Variants in TMEM38A observed in about 807,000 individuals in gnomAD.
TMEM38A encodes the protein trimeric intracellular cation channel type A.
A neutral mutation model predicts 28.6 loss-of-function variants in TMEM38A; 17 were observed. The observed-to-expected ratio is 0.60, with a 90% confidence interval of 0.41 to 0.89. The LOEUF (loss-of-function observed/expected upper bound fraction) is 0.89. Among genes scored for constraint, TMEM38A ranks in the 40% least tolerant of loss-of-function variants. The pLI, the probability that TMEM38A is intolerant of heterozygous loss-of-function variation, is 0.00. For missense variants in TMEM38A, 328 were observed against 393.1 expected (o/e 0.83, Z 1.40); for synonymous variants, 169 against 166.1 (o/e 1.02, Z -0.14).
intron 4 of TMEM38A, among the ~76,000 whole-genome samples, chr19:16,685,689 C>T (rs1222221998): frequency 6.6e-6 from 1 of 152,180 alleles, no homozygotes; most frequent in Non-Finnish European, 1.5e-5. Flanking sequence ...CCATAAATTA[C>T]GTTGTTACTA....
chr19:16,675,826 C>T (rs1047990426), intron 1 of TMEM38A, among the ~76,000 whole-genome samples: 4 of 152,046 alleles, frequency 2.6e-5, no homozygotes, highest in South Asian at 2.1e-4. Context: ...GGATGACAGG[C>T]GTGAGCCACC....
chr19:16,682,954 C>T (rs2086787789), intron 4 of TMEM38A, among the ~76,000 whole-genome samples: 6 of 152,132 alleles, frequency 3.9e-5, no homozygotes. Flanking sequence ...GGATCCCACA[C>T]TGCATTTAGC....
chr19:16,683,900 G>A (rs939310685), intron 4 of TMEM38A, among the ~76,000 whole-genome samples: 74 of 152,196 alleles, frequency 4.9e-4, no homozygotes, highest in Non-Finnish European at 1.0e-3. Context: ...AATCTGGGAG[G>A]CGGAGGTTGC....
At chr19:16,685,239 CAGCT>C (rs2086797172) in intron 4 of TMEM38A, among the ~76,000 whole-genome samples, 1 of 151,558 alleles carries the variant, frequency 6.6e-6, no homozygotes, top group Non-Finnish European at 1.5e-5. Flanking sequence ...ATACAAAAAT[CAGCT>C]GGCGTGGTGG....
At chr19:16,676,905 C>T (rs778857223) in intron 1 of TMEM38A, among the ~76,000 whole-genome samples, 2 of 151,448 alleles carry the variant, frequency 1.3e-5, no homozygotes, top group Non-Finnish European at 2.9e-5. Flanking sequence ...AGATTAAAGG[C>T]GCCCACCACC....
intron 1 of TMEM38A, among the ~76,000 whole-genome samples, chr19:16,663,153 T>A (rs1014451125): frequency 2.0e-5 from 3 of 151,824 alleles, no homozygotes; most frequent in Non-Finnish European, 4.4e-5. Context: ...TGGTGGCACA[T>A]GCTTGTAATC....
At chr19:16,671,896 G>T (rs1464139843) in intron 1 of TMEM38A, among the ~76,000 whole-genome samples, 2 of 152,180 alleles carry the variant, frequency 1.3e-5, no homozygotes. Context: ...TCAGTCCCTG[G>T]GAGTTATTTT....
At chr19:16,685,673 C>A (rs1240983260) in intron 4 of TMEM38A, among the ~76,000 whole-genome samples, 1 of 152,184 alleles carries the variant, frequency 6.6e-6, no homozygotes, top group Non-Finnish European at 1.5e-5. Context: ...TGGCCCAAGA[C>A]CCCCACCATA....
chr19:16,679,252 C>CGTGTGT (rs35543309), intron 1 of TMEM38A, among the ~76,000 whole-genome samples: 1,407 of 128,384 alleles, frequency 0.011, 21 homozygotes, highest in Non-Finnish European at 0.015. Flanking sequence ...TCTTTTGTTT[C>CGTGTGT]GTGTGTGTGT....
chr19:16,680,009 C>A lies in TMEM38A; in HGVS notation c.150C>A (p.His50Gln), dbSNP rs1453150992. The A allele has an allele frequency of 6.2e-7, 1 of 1,608,808 alleles. No homozygotes were observed. Among genetic ancestry groups the A allele is most frequent in the African/African-American group, 1.3e-5 (1 of 74,940 alleles). Residue 50 changes from histidine to glutamine, a missense_variant, in exon 2 of 6, where the codon CAC (histidine) becomes CAA (glutamine). By Grantham distance (24) the His-to-Gln change is conservative (BLOSUM62 0). Transcript: ENST00000187762. ...EPGAVELSRR[H>Q]PIASWLCAML... ...GAGCAGTCGAACTGTCCCGGCGCCA[C>A]CCCATCGCGTCCTGGCTGTGCGCCA...
At chr19:16,662,074 C>T (rs1398062211) in intron 1 of TMEM38A, among the ~76,000 whole-genome samples, 3 of 152,074 alleles carry the variant, frequency 2.0e-5, no homozygotes, top group African/African-American at 7.2e-5. Context: ...GAATGGCTTC[C>T]TTAGAACGTG....
At chr19:16,663,872 A>G (rs1460033869) in intron 1 of TMEM38A, among the ~76,000 whole-genome samples, 1 of 148,230 alleles carries the variant, frequency 6.7e-6, no homozygotes, top group Non-Finnish European at 1.5e-5. Flanking sequence ...TCCACCCCCC[A>G]CCAATTGAAT....
intron 5 of TMEM38A, among the ~76,000 whole-genome samples, chr19:16,687,255 C>T (rs2086805708): frequency 6.6e-6 from 1 of 152,150 alleles, no homozygotes; most frequent in Non-Finnish European, 1.5e-5. Flanking sequence ...TCGCTTGAAC[C>T]CGGGAGGTGG....
Position 16,671,201 on chromosome 19 carries a change from C to CTTTTTTTTTTTTTTTTTTTT in TMEM38A, c.125-8780_125-8761dup, listed in dbSNP as rs34550977. On this transcript the variant is annotated intron_variant, in intron 1 of 5. Transcript: ENST00000187762. ...GTATGGAAAGGGGAAAGGACCTGGG[C>CTTTTTTTTTTTTTTTTTTTT]TTTTTTTTTTTTTTTTTTTTTTGAG... Among the ~76,000 whole-genome samples the CTTTTTTTTTTTTTTTTTTTT allele has an allele frequency of 1.1e-4, 9 of 84,856 alleles. 1 individual carries two copies. Among genetic ancestry groups the CTTTTTTTTTTTTTTTTTTTT allele is most frequent in the African/African-American group, 4.0e-4 (6 of 15,122 alleles). 55.7% of individuals were successfully genotyped at this position (84,856 alleles called of 152,430 possible).
At chr19:16,671,351 C>A (rs138805788) in intron 1 of TMEM38A, among the ~76,000 whole-genome samples, 1 of 151,806 alleles carries the variant, frequency 6.6e-6, no homozygotes, top group Non-Finnish European at 1.5e-5. Flanking sequence ...TATAGCCATC[C>A]GCCACCATAC....
intron 1 of TMEM38A, among the ~76,000 whole-genome samples, chr19:16,671,201 CTTTTTTTTT>C (rs34550977): frequency 5.9e-5 from 5 of 84,848 alleles, no homozygotes; most frequent in African/African-American, 3.3e-4. Flanking sequence ...AGGACCTGGG[CTTTTTTTTT>C]TTTTTTTTTT....
intron 1 of TMEM38A, among the ~76,000 whole-genome samples, chr19:16,668,097 T>C (rs984134513): frequency 1.3e-5 from 2 of 151,800 alleles, no homozygotes; most frequent in Non-Finnish European, 2.9e-5. Context: ...TAGTCCTGGC[T>C]ACTTGGTAGG....
chr19:16,675,706 G>A (rs745628777), intron 1 of TMEM38A, among the ~76,000 whole-genome samples: 8 of 151,758 alleles, frequency 5.3e-5, no homozygotes, highest in South Asian at 2.1e-4. Flanking sequence ...CTCCCGCAAC[G>A]CCCAGCTAAT....
intron 1 of TMEM38A, among the ~76,000 whole-genome samples, chr19:16,676,093 G>GAGATTGCGCCA (rs1299119035): frequency 7.5e-6 from 1 of 133,918 alleles, no homozygotes; most frequent in African/African-American, 3.9e-5. Flanking sequence ...GGGCGCGGTG[G>GAGATTGCGCCA]CTCACACCTG....
Sources: allele counts gnomAD v4.1 joint callset (sites outside exome capture counted in the v4.1 genomes callset), GRCh38; gene constraint gnomAD v4.1.1; transcripts MANE v1.5; gene names NCBI Gene and HGNC (gene_info 2026-07-23, HGNC 2026-07-21).